Variants in SAMD9 observed in about 807,000 individuals in gnomAD.
The protein encoded by SAMD9 is sterile alpha motif domain-containing protein 9.
A neutral mutation model predicts 1.5 loss-of-function variants in SAMD9; 3 were observed. That is an observed-to-expected ratio of 2.05 (90% CI 0.93 to 5.29). The LOEUF (loss-of-function observed/expected upper bound fraction) is 5.29. SAMD9 is among the 30% of genes most tolerant of loss of function. The probability of loss-of-function intolerance (pLI) is 0.02; values close to 1 mark genes in which losing one functional copy is unlikely to be tolerated. For missense variants in SAMD9, 1,597 were observed against 1,820.8 expected (o/e 0.88, Z 2.24); for synonymous variants, 635 against 631.9 (o/e 1.00, Z -0.07).
In SAMD9 at chr7:93,105,474, T is replaced by G. The variant is rs748204858; in HGVS notation, c.624A>C (p.Glu208Asp). The change falls in exon 3 of 3, where the codon GAA becomes GAC. Residue 208 changes from glutamate to aspartate, a missense_variant. This residue lies in a region of SAMD9 where 498 missense variants were observed against 457.4 expected (regional missense o/e 1.09). Coordinates refer to ENST00000379958, the MANE Select transcript of SAMD9 (RefSeq NM_017654.4). ...TGCTAAATTTCATCTTGACATCCTC[T>G]TCTGTGGCTGTTGCTGTATTTGTGA... ...KAFTNTATAT[E>D]EDVKMKFSNE... is the part of the protein sequence containing the mutation. 6.2e-7 allele frequency: 1 copy of G among 1,614,068 alleles called. No individual in the cohort carries two copies. Among genetic ancestry groups the G allele is most frequent in the Admixed American group, 1.7e-5 (1 of 60,014 alleles).
At chr7:93,107,110 G>A (rs1020773393) in intron 2 of SAMD9, among the ~76,000 whole-genome samples, 10 of 151,108 alleles carry the variant, frequency 6.6e-5, no homozygotes, top group Admixed American at 2.0e-4. Flanking sequence ...GCGCGATCTC[G>A]GCTCATTGCA....
At chr7:93,107,298 G>C (rs1052090105) in intron 2 of SAMD9, among the ~76,000 whole-genome samples, 2 of 152,140 alleles carry the variant, frequency 1.3e-5, no homozygotes, top group African/African-American at 4.8e-5. Flanking sequence ...ATCTGGAATA[G>C]CTTGCTGAGT....
At chr7:93,110,543 G>T (rs912182687) in intron 2 of SAMD9, among the ~76,000 whole-genome samples, 19 of 152,184 alleles carry the variant, frequency 1.2e-4, no homozygotes, top group South Asian at 2.1e-4. Flanking sequence ...CCATCAGTGT[G>T]CTGTATTCAG....
At chr7:93,117,701 T>C (rs905308787) in intron 1 of SAMD9, among the ~76,000 whole-genome samples, 162 bp downstream of exon 1, 5 of 152,272 alleles carry the variant, frequency 3.3e-5, no homozygotes, top group Non-Finnish European at 7.3e-5. Flanking sequence ...TAAAGCAGAC[T>C]GCTGTCAGAG....
At position 93,104,293 on chromosome 7, in the gene SAMD9, G is replaced by A; in HGVS notation, c.1805C>T (p.Ser602Leu). 1.2e-6 allele frequency: 2 copies of A among 1,613,460 alleles called. No homozygotes were observed. Among genetic ancestry groups the A allele is most frequent in the Non-Finnish European group, 1.7e-6 (2 of 1,179,682 alleles). Residue 602 changes from serine (S) to leucine (L), a missense_variant, in exon 3 of 3, where the codon TCA (serine) becomes TTA (leucine). By Grantham distance (145) the Ser-to-Leu change is moderately radical. Coordinates refer to ENST00000379958, the MANE Select transcript of SAMD9 (RefSeq NM_017654.4). ...ARLIKHQDEI[S>L]SQCISALSLE... ...GCTTAAAGCAGAAATACATTGGCTT[G>A]AAATTTCATCTTGGTGTTTTATTAA... is the stretch of plus-strand genomic sequence containing the variant.
At chr7:93,111,836 A>AG (rs1264424006) in intron 2 of SAMD9, among the ~76,000 whole-genome samples, 1 of 152,234 alleles carries the variant, frequency 6.6e-6, no homozygotes. Context: ...AACCAAAAAA[A>AG]GTCCAGGACC....
In SAMD9 at chr7:93,103,591, A is replaced by T; in HGVS notation, c.2507T>A (p.Met836Lys). Residue 836 changes from methionine to lysine, a missense_variant, in exon 3 of 3, where the codon ATG becomes AAG. By Grantham distance (95) the Met-to-Lys change is moderately conservative (BLOSUM62 -1). Transcript: ENST00000379958. ...EKPLVIILNC[M>K]RSQNPEKSAR... ...ACTTTTTTCAGGATTTTGTGATCTC[A>T]TACAATTTAGGATAATCACCAGAGG... 1 of 1,609,290 alleles carries T rather than the reference A, an allele frequency of 6.2e-7. No homozygotes were observed. The highest frequency in any genetic ancestry group is 8.5e-7 in the Non-Finnish European group (1 of 1,175,798).
chr7:93,110,001 A>C (rs1791712358), intron 2 of SAMD9, among the ~76,000 whole-genome samples: 1 of 152,198 alleles, frequency 6.6e-6, no homozygotes, highest in Non-Finnish European at 1.5e-5. Context: ...AAGACACATA[A>C]TTGTCAGATT....
chr7:93,106,320 C>T (rs1002072207), intron 2 of SAMD9, among the ~76,000 whole-genome samples: 6 of 152,184 alleles, frequency 3.9e-5, no homozygotes, highest in Non-Finnish European at 7.3e-5. Context: ...ACTTTTCCCA[C>T]ATAAATTGTG....
In SAMD9 at chr7:93,104,327, C is replaced by G; in HGVS notation, c.1771G>C (p.Glu591Gln). 1 of 1,613,688 alleles carries G rather than the reference C, an allele frequency of 6.2e-7. No homozygotes were observed. The highest frequency in any genetic ancestry group is 8.5e-7 in the Non-Finnish European group (1 of 1,179,774). Residue 591 changes from glutamate (E) to glutamine (Q), a missense_variant, in exon 3 of 3, where the codon GAA becomes CAA. By Grantham distance (29) the Glu-to-Gln change is conservative. Transcript: ENST00000379958. ...HIFQGWKDLLEARLIKHQDEI... is the reference protein window; with the variant it reads ...HIFQGWKDLLQARLIKHQDEI... ...TCTTGGTGTTTTATTAATCTTGCTT[C>G]AAGTAGATCTTTCCATCCCTGAAAT...
rs1791549116 is a variant in SAMD9 at position 93,102,431 on chromosome 7, G to C, written c.3667C>G (p.Leu1223Val). 2.5e-6 allele frequency: 4 copies of C among 1,613,244 alleles called. No homozygotes were observed. Among genetic ancestry groups the C allele is most frequent in the Non-Finnish European group, 2.5e-6 (3 of 1,179,434 alleles). The part of the protein sequence containing the change: ...LIPFFDNKNE[L>V]SKRYMVNFVS... ...AAATTGACCATATATCTTTTAGATA[G>C]CTCATTTTTATTATCAAAAAAAGGA... The change falls in exon 3 of 3, where the codon CTA (leucine) becomes GTA (valine). Residue 1223 changes from leucine (L) to valine (V), a missense_variant. Around this residue, in one of 6 missense-constraint regions of SAMD9, gnomAD observed 682 missense variants for 810.0 expected, o/e 0.84. Transcript: ENST00000379958.
Position 93,104,696 on chromosome 7 carries a change from C to A in SAMD9, c.1402G>T (p.Val468Leu). 1 of 1,613,986 alleles carries A rather than the reference C, an allele frequency of 6.2e-7. No homozygotes were observed. Among genetic ancestry groups the A allele is most frequent in the Non-Finnish European group, 8.5e-7 (1 of 1,179,900 alleles). Residue 468 changes from valine to leucine, a missense_variant, in exon 3 of 3, where the codon GTA becomes TTA. Coordinates refer to ENST00000379958, the MANE Select transcript of SAMD9 (RefSeq NM_017654.4). ...SRVANLHFPS[V>L]YVEQKTTPNE... ...GGTGTGGTTTTCTGTTCTACATATACACTTGGAAAGTGAAGGTTTGCTACT... is the reference window on the plus strand; with the variant it reads ...GGTGTGGTTTTCTGTTCTACATATAAACTTGGAAAGTGAAGGTTTGCTACT...
chr7:93,110,472 G>A (rs563222193), intron 2 of SAMD9, among the ~76,000 whole-genome samples: 2 of 152,296 alleles, frequency 1.3e-5, no homozygotes, highest in South Asian at 2.1e-4. Flanking sequence ...AACCTTAAAT[G>A]TAAATGGGCT....
chr7:93,107,426 T>C (rs953207726), intron 2 of SAMD9, among the ~76,000 whole-genome samples: 3 of 152,204 alleles, frequency 2.0e-5, no homozygotes, highest in Non-Finnish European at 4.4e-5. Context: ...TGCAGACTAC[T>C]ATCTGAAAAA....
intron 2 of SAMD9, among the ~76,000 whole-genome samples, chr7:93,110,976 T>C (rs895611684): frequency 7.2e-5 from 11 of 152,142 alleles, no homozygotes; most frequent in African/African-American, 2.4e-4. Flanking sequence ...TCTACAGAAC[T>C]CTCCATCCCA....
At chr7:93,108,924 C>T (rs1167311994) in intron 2 of SAMD9, among the ~76,000 whole-genome samples, 1 of 152,180 alleles carries the variant, frequency 6.6e-6, no homozygotes, top group Non-Finnish European at 1.5e-5. Flanking sequence ...ACTTAAACAT[C>T]CCTGTCTGAC....
At chr7:93,115,600 A>G (rs1488445420) in intron 1 of SAMD9, among the ~76,000 whole-genome samples, 1 of 152,200 alleles carries the variant, frequency 6.6e-6, no homozygotes, top group Non-Finnish European at 1.5e-5. Flanking sequence ...TTGCACAGAT[A>G]AGTACATATT....
Position 93,103,867 on chromosome 7 carries a change from G to T in SAMD9, c.2231C>A (p.Thr744Asn). The T allele has an allele frequency of 1.9e-6, 3 of 1,613,976 alleles. No homozygotes were observed. The highest frequency in any genetic ancestry group is 2.2e-5 in the East Asian group (1 of 44,872). Residue 744 changes from threonine to asparagine, a missense_variant, in exon 3 of 3, where the codon ACT (threonine) becomes AAT (asparagine). By Grantham distance (65) the Thr-to-Asn change is moderately conservative (BLOSUM62 0). Coordinates refer to ENST00000379958, the MANE Select transcript of SAMD9 (RefSeq NM_017654.4). ...CCAGAGAATGTGCATAGCCAAGGTA[G>T]TTCCCCCACAGCCTGGATGATGATA... ...HLYHHPGCGG[T>N]TLAMHILWEL...
rs755395110 is a variant in SAMD9 at position 93,105,774 on chromosome 7, T to G, written c.324A>C (p.Glu108Asp). 6.2e-7 allele frequency: 1 copy of G among 1,614,146 alleles called. No homozygotes were observed. The highest frequency in any genetic ancestry group is 8.5e-7 in the Non-Finnish European group (1 of 1,180,008). Residue 108 changes from glutamate (E) to aspartate (D), a missense_variant, in exon 3 of 3, where the codon GAA becomes GAC. Glu to Asp is a conservative substitution (Grantham distance 45). Transcript: ENST00000379958. ...DQTVSQKERR[E>D]TSKQKQKGKE... ...TACCCTTTTGTTTTTGCTTTGAAGT[T>G]TCTCTACGTTCCTTTTGAGACACAG...
Sources: gnomAD v4.1 joint callset for allele counts (sites outside exome capture counted in the v4.1 genomes callset) on GRCh38, gnomAD v4.1.1 for gene constraint, gnomAD v4.1.1 regional missense constraint, MANE v1.5 for transcripts, NCBI Gene and HGNC (gene_info 2026-07-23, HGNC 2026-07-21) for gene names.